Variants in CSMD1 observed in about 807,000 individuals in gnomAD.
CSMD1 encodes CUB and Sushi multiple domains 1.
Under a neutral mutation model 417.5 loss-of-function variants are expected in CSMD1, and 213 were observed. The ratio of observed to expected loss-of-function variants is 0.51; its 90% CI spans 0.46 to 0.57. CSMD1 has a LOEUF of 0.57. CSMD1 is among the 20% of genes least tolerant of loss of function. The probability of loss-of-function intolerance (pLI) is 0.00; values close to 1 mark genes in which losing one functional copy is unlikely to be tolerated. For missense variants in CSMD1, 6,923 were observed against 4,529.7 expected (o/e 1.53, Z -15.17); for synonymous variants, 2,862 against 1,736.8 (o/e 1.65, Z -16.11).
intron 3 of CSMD1, among the ~76,000 whole-genome samples, chr8:4,403,497 A>G (rs574253906): frequency 6.6e-6 from 1 of 152,044 alleles, no homozygotes; most frequent in African/African-American, 2.4e-5. Context: ...TCCAGTGAAA[A>G]ATCACCTCTC....
chr8:3,833,036 G>C (rs373712897), intron 5 of CSMD1, among the ~76,000 whole-genome samples: 5 of 152,254 alleles, frequency 3.3e-5, no homozygotes, highest in East Asian at 3.9e-4. Context: ...CTATAAAGTA[G>C]TGAGGGCTTT....
chr8:4,822,772 G>T (rs1799592664), intron 1 of CSMD1, among the ~76,000 whole-genome samples: 1 of 151,922 alleles, frequency 6.6e-6, no homozygotes, highest in South Asian at 2.1e-4. Context: ...TAACCTCTGG[G>T]TATGGCAATC....
chr8:4,472,567 G>T (rs1359529735), intron 2 of CSMD1, among the ~76,000 whole-genome samples: 1 of 152,020 alleles, frequency 6.6e-6, no homozygotes, highest in Non-Finnish European at 1.5e-5. Flanking sequence ...ATAGCTATTA[G>T]AAAGTTATTC....
rs144913514 is a variant in CSMD1, at chr8:3,029,570, G to A, written c.7661-57C>T. Reference sequence around the variant, plus strand: ...TTTCTTTTTTGGAAAACATCAGACCGTGCTTGCTTTGGATGGCAAGGTCTT... The same window carrying A: ...TTTCTTTTTTGGAAAACATCAGACCATGCTTGCTTTGGATGGCAAGGTCTT... On this transcript the variant is annotated intron_variant, in intron 50 of 69. Transcript: ENST00000635120. 8.3e-4 allele frequency: 1,212 copies of A among 1,460,802 alleles called. 13 individuals carry two copies. In the African/African-American group the frequency reaches 0.015, roughly 18 times the overall value. The allele number at this position is 1,460,802 out of a possible 1,614,324, so 90.5% of individuals were successfully genotyped here. A position where few individuals can be genotyped will look rare whatever the true frequency, so the allele number is the denominator to read the frequency against.
chr8:3,977,380 T>G (rs1401746457), intron 5 of CSMD1, among the ~76,000 whole-genome samples: 1 of 152,208 alleles, frequency 6.6e-6, no homozygotes, highest in Admixed American at 6.5e-5. Flanking sequence ...TACATTTTGC[T>G]GAAAAGAGAA....
intron 48 of CSMD1, among the ~76,000 whole-genome samples, chr8:3,090,280 G>T (rs1406308704): frequency 8.1e-6 from 1 of 123,402 alleles, no homozygotes; most frequent in Non-Finnish European, 1.6e-5. Context: ...TCGCACCACT[G>T]CACTCCAGCC....
chr8:3,415,574 G>C (rs771427085), intron 12 of CSMD1, among the ~76,000 whole-genome samples: 7 of 152,142 alleles, frequency 4.6e-5, no homozygotes, highest in African/African-American at 1.7e-4. Context: ...GGCCACGCTG[G>C]TCTCCAACTC....
intron 3 of CSMD1, among the ~76,000 whole-genome samples, chr8:4,312,360 T>A (rs1391966672): frequency 1.4e-5 from 2 of 146,474 alleles, no homozygotes; most frequent in South Asian, 4.3e-4. Flanking sequence ...ATAAGCTAAT[T>A]ACTTTTAATG....
At chr8:4,390,599 C>T (rs1340601415) in intron 3 of CSMD1, among the ~76,000 whole-genome samples, 4 of 151,768 alleles carry the variant, frequency 2.6e-5, no homozygotes, top group Admixed American at 1.3e-4. Flanking sequence ...CTGCAAGCTC[C>T]GCCTCCCGGA....
chr8:3,107,690 C>T (rs1431113787), intron 45 of CSMD1, 28 bp downstream of exon 45: 1 of 1,316,536 alleles, frequency 7.6e-7, no homozygotes, highest in Non-Finnish European at 1.1e-6. Flanking sequence ...GTGCTGAATT[C>T]ATGGTATTGT....
intron 23 of CSMD1, among the ~76,000 whole-genome samples, chr8:3,314,979 C>T (rs898505808): frequency 6.6e-6 from 1 of 152,144 alleles, no homozygotes; most frequent in Non-Finnish European, 1.5e-5. Context: ...GCTCTGAAAA[C>T]ATAACTGAAG....
At chr8:4,637,895 C>T (rs1005442472) in intron 1 of CSMD1, among the ~76,000 whole-genome samples, 14 of 151,822 alleles carry the variant, frequency 9.2e-5, no homozygotes, top group African/African-American at 1.2e-4. Flanking sequence ...TGGTCTCGAT[C>T]TCCTGACCTC....
intron 5 of CSMD1, among the ~76,000 whole-genome samples, chr8:3,974,652 G>A (rs1379761843): frequency 1.3e-5 from 2 of 149,200 alleles, no homozygotes; most frequent in Admixed American, 1.3e-4. Flanking sequence ...TGTTTAAACT[G>A]CTTTAAAAAC....
At chr8:4,126,280 T>C (rs1585371139) in intron 3 of CSMD1, among the ~76,000 whole-genome samples, 1 of 152,170 alleles carries the variant, frequency 6.6e-6, no homozygotes, top group East Asian at 1.9e-4. Context: ...GAATCACTCT[T>C]TCTTCATAGC....
At chr8:4,977,875 A>C (rs1268098472) in intron 1 of CSMD1, among the ~76,000 whole-genome samples, 2 of 152,244 alleles carry the variant, frequency 1.3e-5, no homozygotes, top group African/African-American at 2.4e-5. Flanking sequence ...AAGACCCATC[A>C]TCAATACTTA....
At chr8:4,580,965 G>A (rs1029799869) in intron 2 of CSMD1, among the ~76,000 whole-genome samples, 2 of 152,138 alleles carry the variant, frequency 1.3e-5, no homozygotes, top group Admixed American at 6.5e-5. Flanking sequence ...GATAGACAAC[G>A]ATTGTCCACC....
chr8:2,962,398 T>C, intron 61 of CSMD1, 68 bp downstream of exon 61: 2 of 1,397,316 alleles, frequency 1.4e-6, no homozygotes, highest in Non-Finnish European at 2.0e-6. Flanking sequence ...AATGACCCAA[T>C]TTCGGAATGA....
At chr8:3,772,292 C>CATATGTACATATATTTAGACATAT (rs1798622548) in intron 5 of CSMD1, among the ~76,000 whole-genome samples, 3 of 141,152 alleles carry the variant, frequency 2.1e-5, no homozygotes, top group Non-Finnish European at 3.0e-5. Context: ...TTTAGACATA[C>CATATGTACATATATTTAGACATAT]ATATGTACAT....
chr8:4,378,345 A>G (rs188751684), intron 3 of CSMD1, among the ~76,000 whole-genome samples: 7 of 152,370 alleles, frequency 4.6e-5, no homozygotes, highest in African/African-American at 1.7e-4. Flanking sequence ...ACATTTAATG[A>G]ATGTAGGTGG....
Sources: gnomAD v4.1 joint callset for allele counts (sites outside exome capture counted in the v4.1 genomes callset) on GRCh38, gnomAD v4.1.1 for gene constraint, MANE v1.5 for transcripts, NCBI Gene and HGNC (gene_info 2026-07-23, HGNC 2026-07-21) for gene names.